The following RAPGEF5 variants were observed in gnomAD, a reference collection of about 807,000 sequenced individuals.
The protein encoded by RAPGEF5 is M-Ras-regulated GEF.
A neutral mutation model predicts 125.2 loss-of-function variants in RAPGEF5; 65 were observed. That is an observed-to-expected ratio of 0.52 (90% CI 0.43 to 0.64). The LOEUF is 0.64. Among genes scored for constraint, RAPGEF5 ranks in the 30% least tolerant of loss-of-function variants. RAPGEF5 has a pLI of 0.00. For synonymous variants in RAPGEF5, 391 were observed against 385.9 expected, an observed-to-expected ratio of 1.01 and a Z score of -0.16; for missense variants, 958 against 1,048.1, an observed-to-expected ratio of 0.91 and a Z score of 1.19.
chr7:22,184,464 TGTG>T (rs1249003765), intron 11 of RAPGEF5, among the ~76,000 whole-genome samples: 1 of 152,206 alleles, frequency 6.6e-6, no homozygotes, highest in Non-Finnish European at 1.5e-5. Flanking sequence ...ACAGCTCAAA[TGTG>T]GTACAAACAT....
Position 22,121,211 on chromosome 7 carries a change from G to T in RAPGEF5, c.*1195C>A, listed in dbSNP as rs892254183. On this transcript the variant is annotated 3_prime_UTR_variant, in exon 26 of 26. Coordinates refer to ENST00000665637, the MANE Select transcript of RAPGEF5 (RefSeq NM_012294.5). ...TAAAAATGGGAATAATAAGATTTTA[G>T]AAGACTCAGATTTTGAAAAAAAAAA... 1 of 130,912 alleles carries T rather than the reference G, an allele frequency of 7.6e-6. No homozygotes were observed. 8.1% of individuals were successfully genotyped at this position (130,912 alleles called of 1,614,324 possible). A position where few individuals can be genotyped will look rare whatever the true frequency, so the allele number is the denominator to read the frequency against.
Position 22,219,868 on chromosome 7 carries a change from G to C in RAPGEF5, c.994C>G (p.His332Asp), listed in dbSNP as rs749358540. The C allele has an allele frequency of 4.1e-5, 66 of 1,608,426 alleles. No homozygotes were observed. Among genetic ancestry groups the C allele is most frequent in the Non-Finnish European group, 5.1e-5 (60 of 1,176,064 alleles). ...TDKKEQEKSE[H>D]QDDEVTTVQV... is the part of the protein sequence containing the mutation. ...TCCCCAAGAGGCAAAAGGCTTACGT[G>C]TTCAGACTTCTCCTGTTCTTTTTTG... is the stretch of plus-strand genomic sequence containing the variant. The change falls in exon 9 of 26, where the codon CAC becomes GAC. Residue 332 changes from histidine to aspartate, a missense_variant and splice_region_variant. By Grantham distance (81) the His-to-Asp change is moderately conservative. Transcript: ENST00000665637.
intron 17 of RAPGEF5, 77 bp downstream of exon 17, chr7:22,154,378 C>T (rs1188887710): frequency 4.0e-6 from 6 of 1,518,184 alleles, no homozygotes; most frequent in Admixed American, 2.0e-5. Context: ...TGCACTTTTA[C>T]TCTACAAAAA....
intron 7 of RAPGEF5, among the ~76,000 whole-genome samples, chr7:22,254,375 G>C (rs1205139276): frequency 6.6e-6 from 1 of 151,658 alleles, no homozygotes. Flanking sequence ...TTGGGAGGAC[G>C]AGGCGGGCGG....
intron 7 of RAPGEF5, among the ~76,000 whole-genome samples, chr7:22,256,676 A>G (rs972952823): frequency 6.6e-6 from 1 of 152,232 alleles, no homozygotes; most frequent in Non-Finnish European, 1.5e-5. Context: ...CTTTCCAGAA[A>G]TAGAAGCCCA....
Position 22,346,559 on chromosome 7 carries a change from C to T in RAPGEF5, c.231+10271G>A, listed in dbSNP as rs1034966003. ...GTAATGAGAGATAAAATAAATTTGC[C>T]GTCAGCACCAAAGTCCTAAGTGTTA... On this transcript the variant is annotated intron_variant, in intron 1 of 25. Coordinates refer to ENST00000665637, the MANE Select transcript of RAPGEF5 (RefSeq NM_012294.5). Among the ~76,000 whole-genome samples the T allele has an allele frequency of 8.6e-5, 13 of 152,040 alleles. No homozygotes were observed. The South Asian group carries it at 1.0e-3, about 12-fold the overall frequency.
At chr7:22,210,443 C>A (rs1457460027) in intron 9 of RAPGEF5, among the ~76,000 whole-genome samples, 3 of 151,572 alleles carry the variant, frequency 2.0e-5, no homozygotes, top group Non-Finnish European at 2.9e-5. Context: ...TGGTGGAGGG[C>A]AAAAATTTTA....
chr7:22,196,897 T>C (rs1207380717), intron 9 of RAPGEF5, among the ~76,000 whole-genome samples: 2 of 152,114 alleles, frequency 1.3e-5, no homozygotes, highest in African/African-American at 4.8e-5. Flanking sequence ...TATTTAAGCT[T>C]TGGTAATGGA....
chr7:22,225,918 C>T lies in RAPGEF5; in HGVS notation c.870+4928G>A, dbSNP rs187368863. ...AGGAGAGAAATGTTATGAATGTAAA[C>T]GAAAAGCCTGTTTCCTTTATAAATG... On this transcript the variant is annotated intron_variant, in intron 8 of 25. Transcript: ENST00000665637. Among the ~76,000 whole-genome samples, 5 of 152,210 alleles carry T rather than the reference C, an allele frequency of 3.3e-5. No homozygotes were observed. The East Asian group carries it at 5.8e-4, about 18-fold the overall frequency.
rs896214400 is a variant in RAPGEF5, at chr7:22,162,526, C to T, written c.1299G>A (p.Lys433=). The T allele has an allele frequency of 1.9e-6, 3 of 1,609,114 alleles. No individual in the cohort carries two copies. Among genetic ancestry groups the T allele is most frequent in the Non-Finnish European group, 2.6e-6 (3 of 1,175,912 alleles). ...QALLRHYSAK[K]YQGKEENSDV... ...CTGAGTTTTCCTCTTTGCCTTGATA[C>T]TTCTTAGCAGAATAGGTGCAAATGG... Residue 433 remains lysine, a synonymous_variant, in exon 13 of 26, where the codon AAG becomes AAA. Coordinates refer to ENST00000665637, the MANE Select transcript of RAPGEF5 (RefSeq NM_012294.5).
At chr7:22,338,517 G>C (rs1179063000) in intron 1 of RAPGEF5, among the ~76,000 whole-genome samples, 1 of 152,186 alleles carries the variant, frequency 6.6e-6, no homozygotes, top group African/African-American at 2.4e-5. Context: ...GAGTAGCTAA[G>C]GACTGGGATA....
At chr7:22,295,080 C>T (rs1783028834) in intron 5 of RAPGEF5, among the ~76,000 whole-genome samples, 1 of 152,144 alleles carries the variant, frequency 6.6e-6, no homozygotes, top group African/African-American at 2.4e-5. Context: ...TCAACATCTC[C>T]CCATTTCCCC....
intron 7 of RAPGEF5, among the ~76,000 whole-genome samples, chr7:22,246,627 A>C (rs1358674008): frequency 6.6e-6 from 1 of 152,224 alleles, no homozygotes; most frequent in Non-Finnish European, 1.5e-5. Context: ...AGAATACTAG[A>C]AGAAAACCTG....
At chr7:22,154,692 T>C in intron 16 of RAPGEF5, 88 bp from the exon 17 acceptor site, 1 of 1,460,046 alleles carries the variant, frequency 6.8e-7, no homozygotes, top group Non-Finnish European at 9.2e-7. Flanking sequence ...TGATCAACTT[T>C]TCTAAATCAA....
Position 22,283,046 on chromosome 7 carries a change from T to TACACACAC in RAPGEF5, c.747+8121_747+8128dup, listed in dbSNP as rs71550469. 1.9e-3 allele frequency among the ~76,000 whole-genome samples: 279 copies of TACACACAC among 148,464 alleles called. 2 individuals are homozygous for TACACACAC. The highest frequency in any genetic ancestry group is 6.4e-3 in the African/African-American group (260 of 40,410). ...AAAAAAAAAATATTCTGTAAAAAAA[T>TACACACAC]ACACACACACACACACACACACACG... On this transcript the variant is annotated intron_variant, in intron 6 of 25. Coordinates refer to ENST00000665637, the MANE Select transcript of RAPGEF5 (RefSeq NM_012294.5).
chr7:22,140,819 C>T (rs1032658869), intron 20 of RAPGEF5, among the ~76,000 whole-genome samples: 1 of 152,116 alleles, frequency 6.6e-6, no homozygotes, highest in African/African-American at 2.4e-5. Flanking sequence ...AGGGGGAGCT[C>T]GGGATTTCAC....
At chr7:22,176,946 T>C (rs911274162) in intron 11 of RAPGEF5, among the ~76,000 whole-genome samples, 2 of 152,288 alleles carry the variant, frequency 1.3e-5, no homozygotes, top group African/African-American at 2.4e-5. Context: ...CTAGGACAAA[T>C]ATATCAACCA....
chr7:22,281,146 C>A lies in RAPGEF5; in HGVS notation c.747+10029G>T, dbSNP rs1273162979. Among the ~76,000 whole-genome samples the A allele has an allele frequency of 4.6e-5, 7 of 152,284 alleles. No individual in the cohort carries two copies. In the South Asian group the frequency reaches 1.0e-3, roughly 23 times the overall value. On this transcript the variant is annotated intron_variant, in intron 6 of 25. Transcript: ENST00000665637. ...CAAGTAGGGTTCTGGGGTCTCTGAG[C>A]AATTCTTTTAATTGCCATGGGTCTT...
intron 5 of RAPGEF5, among the ~76,000 whole-genome samples, chr7:22,301,719 G>T (rs1783209682): frequency 1.3e-5 from 2 of 150,970 alleles, no homozygotes; most frequent in South Asian, 4.2e-4. Flanking sequence ...AAACACAAAA[G>T]ACAGGAATAA....
Sources: gnomAD v4.1 joint callset for allele counts (sites outside exome capture counted in the v4.1 genomes callset) on GRCh38, gnomAD v4.1.1 for gene constraint, MANE v1.5 for transcripts, NCBI Gene and HGNC (gene_info 2026-07-23, HGNC 2026-07-21) for gene names.